Variants in TBC1D22A observed in about 807,000 individuals in gnomAD.
The protein encoded by TBC1D22A is TBC1 domain family member 22A.
Under a neutral mutation model 60.2 loss-of-function variants are expected in TBC1D22A, and 38 were observed. The ratio of observed to expected loss-of-function variants is 0.63; its 90% CI spans 0.49 to 0.83. TBC1D22A has a LOEUF of 0.83. Ranked by LOEUF, TBC1D22A falls within the 40% of genes least tolerant of loss-of-function variation. The probability of loss-of-function intolerance (pLI) is 0.00; values close to 1 mark genes in which losing one functional copy is unlikely to be tolerated. For synonymous variants in TBC1D22A, 302 were observed against 281.7 expected, an observed-to-expected ratio of 1.07 and a Z score of -0.72; for missense variants, 628 against 701.0, an observed-to-expected ratio of 0.90 and a Z score of 1.18.
chr22:46,985,368 A>G (rs2074684725), intron 9 of TBC1D22A, among the ~76,000 whole-genome samples: 1 of 152,174 alleles, frequency 6.6e-6, no homozygotes. Context: ...GAAGAATCTC[A>G]GATACATGAT....
chr22:46,961,346 T>C lies in TBC1D22A; in HGVS notation c.1016-12944T>C, dbSNP rs115984501. The stretch of plus-strand genomic sequence containing the variant: ...TCAGATTCAATTTGAGTAATTGCTG[T>C]AGATTCACACCTAAGTTCTGCCGCA... On this transcript the variant is annotated intron_variant, in intron 8 of 12. Coordinates refer to ENST00000337137, the MANE Select transcript of TBC1D22A (RefSeq NM_014346.5). Among the ~76,000 whole-genome samples, 1,241 of 152,328 alleles carry C rather than the reference T, an allele frequency of 8.1e-3. 13 individuals are homozygous for C. The highest frequency in any genetic ancestry group is 0.027 in the African/African-American group (1,140 of 41,564).
At chr22:47,010,434 G>A (rs543871349) in intron 10 of TBC1D22A, among the ~76,000 whole-genome samples, 1 of 152,308 alleles carries the variant, frequency 6.6e-6, no homozygotes, top group East Asian at 1.9e-4. Flanking sequence ...ATGACAATTG[G>A]CAAGGCACAT....
At chr22:46,917,970 G>T (rs2070490561) in intron 8 of TBC1D22A, among the ~76,000 whole-genome samples, 2 of 152,186 alleles carry the variant, frequency 1.3e-5, no homozygotes, top group Non-Finnish European at 2.9e-5. Flanking sequence ...TCTGGGGCCT[G>T]ACCGCTGGGG....
At chr22:46,797,686 C>A in intron 4 of TBC1D22A, 66 bp downstream of exon 4, 1 of 1,475,934 alleles carries the variant, frequency 6.8e-7, no homozygotes. Flanking sequence ...TAGATCACAT[C>A]TTAAAGGATT....
chr22:47,139,991 A>G (rs1471132031), intron 12 of TBC1D22A, among the ~76,000 whole-genome samples: 1 of 152,168 alleles, frequency 6.6e-6, no homozygotes, highest in Non-Finnish European at 1.5e-5. Flanking sequence ...TCCCTGATTC[A>G]TTCATATCTT....
At chr22:47,116,313 G>C (rs1379463012) in intron 12 of TBC1D22A, 1 of 152,390 alleles carries the variant, frequency 6.6e-6, no homozygotes, top group Non-Finnish European at 1.5e-5. Flanking sequence ...GCAGTTGGCA[G>C]AGTTGTTTTT....
chr22:46,763,489 C>G (rs928102547), intron 1 of TBC1D22A, among the ~76,000 whole-genome samples: 2 of 126,722 alleles, frequency 1.6e-5, no homozygotes, highest in South Asian at 5.3e-4. Flanking sequence ...CTCCAGAGTC[C>G]TTGTCTGATT....
intron 11 of TBC1D22A, among the ~76,000 whole-genome samples, chr22:47,038,086 T>C (rs1198415430): frequency 1.3e-5 from 2 of 152,228 alleles, no homozygotes; most frequent in Non-Finnish European, 2.9e-5. Flanking sequence ...AGATGTTTGC[T>C]GAAGCGGAGG....
rs761224095 is a variant in TBC1D22A, at chr22:46,894,802, C to T, written c.856C>T (p.Arg286Cys). 5.0e-6 allele frequency: 8 copies of T among 1,614,240 alleles called. No homozygotes were observed. Among genetic ancestry groups the T allele is most frequent in the East Asian group, 2.2e-5 (1 of 44,884 alleles). Residue 286 changes from arginine (R) to cysteine (C), a missense_variant, in exon 7 of 13, where the codon CGC (arginine) becomes TGC (cysteine). Physicochemically the swap from Arg to Cys is radical, Grantham distance 180. Coordinates refer to ENST00000337137, the MANE Select transcript of TBC1D22A (RefSeq NM_014346.5). ...TCTCCAGATCCACATAGACATCCCT[C>T]GCATGAGCCCTGAAGCGTTGATCCT... is the stretch of plus-strand genomic sequence containing the variant. Reference protein sequence around the residue: ...TYRQIHIDIPRMSPEALILQP... With the variant: ...TYRQIHIDIPCMSPEALILQP...
intron 8 of TBC1D22A, among the ~76,000 whole-genome samples, chr22:46,923,247 C>T (rs1053554888): frequency 2.0e-5 from 3 of 152,226 alleles, no homozygotes; most frequent in Non-Finnish European, 2.9e-5. Context: ...ACTGTGCAGC[C>T]TCCCCTTTGA....
At chr22:46,926,659 C>A (rs2071067021) in intron 8 of TBC1D22A, among the ~76,000 whole-genome samples, 1 of 152,138 alleles carries the variant, frequency 6.6e-6, no homozygotes, top group Admixed American at 6.5e-5. Context: ...TGTAGGTGGG[C>A]CTCCTAATCT....
intron 11 of TBC1D22A, among the ~76,000 whole-genome samples, chr22:47,103,118 C>T (rs900284514): frequency 3.9e-5 from 6 of 152,216 alleles, no homozygotes; most frequent in Non-Finnish European, 7.3e-5. Flanking sequence ...TCCATGCACC[C>T]AGCCTGTCCC....
chr22:46,900,229 G>A (rs1360943476), intron 7 of TBC1D22A, among the ~76,000 whole-genome samples: 17 of 150,542 alleles, frequency 1.1e-4, no homozygotes, highest in Admixed American at 1.1e-3. Context: ...TCGGCTCACT[G>A]CAACCTCCGC....
chr22:47,103,284 CAG>C (rs1208446263), intron 11 of TBC1D22A, among the ~76,000 whole-genome samples: 1 of 152,158 alleles, frequency 6.6e-6, no homozygotes, highest in Non-Finnish European at 1.5e-5. Context: ...TGGACCATGA[CAG>C]TGTGGCATGT....
intron 4 of TBC1D22A, among the ~76,000 whole-genome samples, chr22:46,839,600 A>G (rs2086665966): frequency 6.6e-6 from 1 of 152,240 alleles, no homozygotes; most frequent in Non-Finnish European, 1.5e-5. Context: ...AACAATCCTA[A>G]AATTCATATA....
At chr22:46,897,640 G>GTTTTTTTGTTTTTTTTTTTTTTTTTTTTT (rs1569189469) in intron 7 of TBC1D22A, among the ~76,000 whole-genome samples, 1 of 108,380 alleles carries the variant, frequency 9.2e-6, no homozygotes, top group African/African-American at 4.2e-5. Context: ...GTTTCGTTTT[G>GTTTTTTTGTTTTTTTTTTTTTTTTTTTTT]TTTTTTTTTG....
chr22:47,082,136 C>CGACA (rs1408622993), intron 11 of TBC1D22A, among the ~76,000 whole-genome samples: 1 of 151,934 alleles, frequency 6.6e-6, no homozygotes, highest in African/African-American at 2.4e-5. Context: ...CCAGCCTGGG[C>CGACA]GACAGAGCAA....
chr22:47,068,034 A>T (rs2063837346), intron 11 of TBC1D22A, among the ~76,000 whole-genome samples: 1 of 152,242 alleles, frequency 6.6e-6, no homozygotes, highest in South Asian at 2.1e-4. Flanking sequence ...GGGAGTAGAC[A>T]TACCTCCACC....
chr22:47,052,329 C>G (rs1350441721), intron 11 of TBC1D22A, among the ~76,000 whole-genome samples: 1 of 152,218 alleles, frequency 6.6e-6, no homozygotes, highest in African/African-American at 2.4e-5. Context: ...TGTGTGGCCT[C>G]CTGGTACCAG....
Sources: gnomAD v4.1 joint callset for allele counts (sites outside exome capture counted in the v4.1 genomes callset) on GRCh38, gnomAD v4.1.1 for gene constraint, MANE v1.5 for transcripts, NCBI Gene and HGNC (gene_info 2026-07-23, HGNC 2026-07-21) for gene names.